The following MAP4K4 variants were observed in gnomAD, a reference collection of about 807,000 sequenced individuals.
The protein encoded by MAP4K4 is mitogen-activated protein kinase kinase kinase kinase 4.
In MAP4K4, 38 loss-of-function variants were observed where a neutral mutation model predicts 189.6. The observed-to-expected ratio is 0.20, with a 90% CI of 0.15 to 0.26. MAP4K4 has a LOEUF of 0.26. Ranked by LOEUF, MAP4K4 falls within the 10% of genes least tolerant of loss-of-function variation. MAP4K4 has a pLI of 1.00. For missense variants in MAP4K4, 1,054 were observed against 1,726.9 expected, an observed-to-expected ratio of 0.61 and a Z score of 6.91; for synonymous variants, 610 against 624.3, an observed-to-expected ratio of 0.98 and a Z score of 0.34.
intron 3 of MAP4K4, among the ~76,000 whole-genome samples, chr2:101,822,134 TAGG>T (rs1192861639): frequency 1.3e-5 from 2 of 152,212 alleles, no homozygotes; most frequent in Non-Finnish European, 2.9e-5. Context: ...TTTAAATAAA[TAGG>T]AGTACACTTT....
At chr2:101,855,384 AATTAT>A (rs2097421268) in intron 12 of MAP4K4, among the ~76,000 whole-genome samples, 1 of 152,102 alleles carries the variant, frequency 6.6e-6, no homozygotes, top group Non-Finnish European at 1.5e-5. Context: ...TTGTTAGGAG[AATTAT>A]ATTAGGTAAA....
At chr2:101,732,192 G>C (rs10167410) in intron 2 of MAP4K4, among the ~76,000 whole-genome samples, 4,746 of 152,220 alleles carry the variant, frequency 0.031, 255 homozygotes, top group African/African-American at 0.11. Flanking sequence ...AATTTACCAT[G>C]GCCCTGGGGC....
At chr2:101,845,033 C>T (rs1273678633) in intron 12 of MAP4K4, among the ~76,000 whole-genome samples, 1 of 152,074 alleles carries the variant, frequency 6.6e-6, no homozygotes, top group Non-Finnish European at 1.5e-5. Flanking sequence ...GTCTACAAGT[C>T]AAGGAAGGAC....
rs201289627 is a variant in MAP4K4, at chr2:101,870,234, A to T, written c.2640-61A>T. 1.6e-5 allele frequency: 25 copies of T among 1,573,952 alleles called. No homozygotes were observed. In the East Asian group the frequency reaches 5.6e-4, roughly 36 times the overall value. On this transcript the variant is annotated intron_variant, in intron 22 of 32. Transcript: ENST00000324219. ...TTGATTTTGAGAAGGCGAAAAGCCTAAACAGGATCTCCTTGACTCCAGAGA... is the reference window on the plus strand; with the variant it reads ...TTGATTTTGAGAAGGCGAAAAGCCTTAACAGGATCTCCTTGACTCCAGAGA...
At chr2:101,698,584 C>T (rs369979864) in intron 2 of MAP4K4, 46 bp downstream of exon 2, 2 of 1,567,954 alleles carry the variant, frequency 1.3e-6, no homozygotes, top group East Asian at 2.2e-5. Flanking sequence ...GTGGAAACTT[C>T]TTATTGGGGG....
At chr2:101,706,709 G>A (rs569959076) in intron 2 of MAP4K4, among the ~76,000 whole-genome samples, 1 of 152,146 alleles carries the variant, frequency 6.6e-6, no homozygotes, top group African/African-American at 2.4e-5. Flanking sequence ...CCTGGACCTG[G>A]CATGTAGCTA....
At chr2:101,771,771 C>T (rs931914041) in intron 2 of MAP4K4, among the ~76,000 whole-genome samples, 11 of 152,180 alleles carry the variant, frequency 7.2e-5, no homozygotes, top group African/African-American at 2.7e-4. Context: ...CCTAGTGCTC[C>T]AGGATGGACA....
intron 8 of MAP4K4, among the ~76,000 whole-genome samples, 163 bp from the exon 9 acceptor site, chr2:101,835,737 A>C (rs1289709465): frequency 6.6e-6 from 1 of 152,198 alleles, no homozygotes; most frequent in Admixed American, 6.5e-5. Flanking sequence ...TGGGAAATTC[A>C]AGATATGCCC....
At chr2:101,865,642 T>C (rs971772786) in intron 18 of MAP4K4, among the ~76,000 whole-genome samples, 1 of 152,224 alleles carries the variant, frequency 6.6e-6, no homozygotes, top group Admixed American at 6.5e-5. Flanking sequence ...TATGATATTA[T>C]CCAGCTCAAA....
chr2:101,851,825 G>T (rs916413787), intron 12 of MAP4K4, among the ~76,000 whole-genome samples: 7 of 137,638 alleles, frequency 5.1e-5, no homozygotes, highest in Non-Finnish European at 9.2e-5. Context: ...AGTCTTGGGA[G>T]ATTTACCACT....
At position 101,846,938 on chromosome 2, in the gene MAP4K4, C is replaced by G. The variant is rs963682727; in HGVS notation, c.1233+2627C>G. 3.9e-5 allele frequency among the ~76,000 whole-genome samples: 6 copies of G among 152,292 alleles called. No individual in the cohort carries two copies. In the East Asian group the frequency reaches 9.6e-4, roughly 24 times the overall value. Reference sequence around the variant, plus strand: ...ATTTGGGGGTTTGGTTCTAGGACTTCCCATGGATACCAGAACTGCAGATGC... The same window carrying G: ...ATTTGGGGGTTTGGTTCTAGGACTTGCCATGGATACCAGAACTGCAGATGC... On this transcript the variant is annotated intron_variant, in intron 12 of 32. Transcript: ENST00000324219.
intron 27 of MAP4K4, among the ~76,000 whole-genome samples, chr2:101,881,899 A>G (rs974354300): frequency 3.3e-5 from 5 of 152,100 alleles, no homozygotes; most frequent in African/African-American, 4.8e-5. Context: ...CTACACCACA[A>G]TGTATTTACT....
intron 30 of MAP4K4, among the ~76,000 whole-genome samples, chr2:101,887,478 A>T (rs1047174999): frequency 6.6e-6 from 1 of 152,032 alleles, no homozygotes; most frequent in African/African-American, 2.4e-5. Flanking sequence ...CTAACATGGG[A>T]TGGATTTGGG....
chr2:101,863,686 C>T (rs1049642900), intron 16 of MAP4K4, 135 bp from the exon 17 acceptor site: 5 of 465,076 alleles, frequency 1.1e-5, no homozygotes, highest in South Asian at 5.1e-5. Context: ...TGTTTCACTG[C>T]GTGGCTGACC....
chr2:101,828,550 CT>C (rs1161754681), intron 5 of MAP4K4, among the ~76,000 whole-genome samples: 3 of 152,186 alleles, frequency 2.0e-5, no homozygotes, highest in South Asian at 2.1e-4. Context: ...TTGAAACCCC[CT>C]ATGTTAGAAA....
At chr2:101,782,836 T>C (rs535939934) in intron 2 of MAP4K4, among the ~76,000 whole-genome samples, 10 of 152,188 alleles carry the variant, frequency 6.6e-5, no homozygotes, top group Non-Finnish European at 1.2e-4. Context: ...TCTCCCACTT[T>C]GGTAATTTTG....
At chr2:101,833,067 G>A (rs2096635445) in intron 7 of MAP4K4, among the ~76,000 whole-genome samples, 1 of 152,134 alleles carries the variant, frequency 6.6e-6, no homozygotes. Flanking sequence ...TGGCCACTGG[G>A]TTAGGGTAAT....
intron 26 of MAP4K4, among the ~76,000 whole-genome samples, chr2:101,875,707 G>T (rs2098182073): frequency 6.6e-6 from 1 of 152,212 alleles, no homozygotes; most frequent in East Asian, 1.9e-4. Flanking sequence ...CCCTAGGAAT[G>T]TAGGGTCATC....
chr2:101,721,504 C>T (rs867601402), intron 2 of MAP4K4, among the ~76,000 whole-genome samples: 39 of 149,384 alleles, frequency 2.6e-4, no homozygotes, highest in African/African-American at 7.7e-4. Flanking sequence ...GGCGCGATCT[C>T]GGCTCACTGC....
Sources: gnomAD v4.1 joint callset for allele counts (sites outside exome capture counted in the v4.1 genomes callset) on GRCh38, gnomAD v4.1.1 for gene constraint, MANE v1.5 for transcripts, NCBI Gene and HGNC (gene_info 2026-07-23, HGNC 2026-07-21) for gene names.